Variants in PTPRD observed in about 807,000 individuals in gnomAD.
PTPRD encodes the protein protein tyrosine phosphatase receptor type D.
In PTPRD, 34 loss-of-function variants were observed where a neutral mutation model predicts 214.5. The observed-to-expected ratio is 0.16, with a 90% CI of 0.12 to 0.21. The LOEUF is 0.21. PTPRD is among the 10% of genes least tolerant of loss of function. PTPRD has a pLI of 1.00. For synonymous variants in PTPRD, 1,128 were observed against 845.7 expected (o/e 1.33, Z -5.79); for missense variants, 2,545 against 2,398.7 (o/e 1.06, Z -1.27).
intron 3 of PTPRD, among the ~76,000 whole-genome samples, chr9:10,302,869 A>T (rs2095909356): frequency 1.3e-5 from 2 of 152,194 alleles, no homozygotes; most frequent in Non-Finnish European, 2.9e-5. Context: ...GAAAATTAAC[A>T]AGGATATTCA....
intron 10 of PTPRD, among the ~76,000 whole-genome samples, chr9:9,157,790 C>G (rs753823717): frequency 6.6e-6 from 1 of 152,098 alleles, no homozygotes; most frequent in Non-Finnish European, 1.5e-5. Flanking sequence ...ACGTGTGCCA[C>G]GGTGGTTTAC....
chr9:8,954,948 T>C (rs2099123388), intron 11 of PTPRD, among the ~76,000 whole-genome samples: 1 of 151,944 alleles, frequency 6.6e-6, no homozygotes, highest in Non-Finnish European at 1.5e-5. Flanking sequence ...CCATGTTCTT[T>C]CTCAGATTCA....
intron 12 of PTPRD, among the ~76,000 whole-genome samples, chr9:8,676,672 C>G (rs533097136): frequency 6.6e-6 from 1 of 152,262 alleles, no homozygotes; most frequent in South Asian, 2.1e-4. Context: ...CTCCTGGGTT[C>G]AAGCAATTCT....
intron 11 of PTPRD, among the ~76,000 whole-genome samples, chr9:8,755,439 G>C (rs996060646): frequency 6.7e-6 from 1 of 148,946 alleles, no homozygotes; most frequent in African/African-American, 2.5e-5. Context: ...TGAGGCAGGA[G>C]AATCACTTGA....
At chr9:10,595,227 G>C (rs1366521762) in intron 2 of PTPRD, among the ~76,000 whole-genome samples, 1 of 151,796 alleles carries the variant, frequency 6.6e-6, no homozygotes, top group Non-Finnish European at 1.5e-5. Context: ...CTAGGCAGCT[G>C]ATGTAAAGAA....
At chr9:9,935,594 A>G (rs2088947166) in intron 5 of PTPRD, among the ~76,000 whole-genome samples, 1 of 151,638 alleles carries the variant, frequency 6.6e-6, no homozygotes, top group Non-Finnish European at 1.5e-5. Context: ...AACAAATGGA[A>G]GAACATTCCA....
intron 11 of PTPRD, among the ~76,000 whole-genome samples, chr9:8,858,502 C>G (rs998017001): frequency 6.6e-6 from 1 of 152,018 alleles, no homozygotes; most frequent in East Asian, 1.9e-4. Flanking sequence ...GAAAATTAAA[C>G]GAAAAAGCCC....
chr9:8,962,864 A>T (rs1025677234), intron 11 of PTPRD: 1 of 152,102 alleles, frequency 6.6e-6, no homozygotes, highest in Non-Finnish European at 1.5e-5. Flanking sequence ...AACAGTATGG[A>T]ATCATCTGAT....
chr9:9,412,594 C>A (rs1294692467), intron 8 of PTPRD, among the ~76,000 whole-genome samples: 3 of 152,078 alleles, frequency 2.0e-5, no homozygotes, highest in Non-Finnish European at 2.9e-5. Flanking sequence ...CCAGTCACTA[C>A]GCGAAGGGGT....
chr9:9,184,555 C>T (rs2099930213), intron 9 of PTPRD, among the ~76,000 whole-genome samples: 1 of 152,018 alleles, frequency 6.6e-6, no homozygotes, highest in South Asian at 2.1e-4. Flanking sequence ...CGTCACCTCA[C>T]CCTGACTAGG....
At chr9:9,724,884 C>T (rs867592994) in intron 7 of PTPRD, among the ~76,000 whole-genome samples, 1 of 152,036 alleles carries the variant, frequency 6.6e-6, no homozygotes, top group Non-Finnish European at 1.5e-5. Flanking sequence ...CCAAACTGTC[C>T]TCTGATTACT....
intron 7 of PTPRD, among the ~76,000 whole-genome samples, chr9:9,720,232 T>C (rs188711901): frequency 8.5e-5 from 13 of 152,270 alleles, no homozygotes; most frequent in African/African-American, 3.1e-4. Flanking sequence ...AAGTAGATCT[T>C]CATAATTGGA....
chr9:10,607,028 A>G (rs188550797), intron 2 of PTPRD, among the ~76,000 whole-genome samples: 55 of 152,036 alleles, frequency 3.6e-4, no homozygotes, highest in African/African-American at 1.1e-3. Flanking sequence ...TATATATGCA[A>G]TGATTCATAC....
Position 10,611,905 on chromosome 9 carries a change from GCC to G in PTPRD, c.-600+491_-600+492del, listed in dbSNP as rs71332762. On this transcript the variant is annotated intron_variant, in intron 2 of 45. Coordinates refer to ENST00000381196, the MANE Select transcript of PTPRD (RefSeq NM_002839.4). ...CATCCTTATTAACTTTCCCTTTTCC[GCC>G]CCCCCCCCCTTTTTTTTTCTAGAGC... is the stretch of plus-strand genomic sequence containing the variant. 1.2e-3 allele frequency among the ~76,000 whole-genome samples: 157 copies of G among 128,076 alleles called. 2 individuals are homozygous for G. Among genetic ancestry groups the G allele is most frequent in the South Asian group, 4.0e-3 (15 of 3,756 alleles). 84.0% of individuals were successfully genotyped at this position (128,076 alleles called of 152,430 possible).
At position 10,019,933 on chromosome 9, in the gene PTPRD, A is replaced by G. The variant is rs540468557; in HGVS notation, c.-472+13785T>C. ...CCCTAGAACTTAAAGTATAATAAAA[A>G]AAATTATAGTGCTTTCTTAGTGGCA... On this transcript the variant is annotated intron_variant, in intron 4 of 45. Coordinates refer to ENST00000381196, the MANE Select transcript of PTPRD (RefSeq NM_002839.4). Among the ~76,000 whole-genome samples the G allele has an allele frequency of 6.1e-3, 924 of 152,312 alleles. 6 individuals carry two copies. The highest frequency in any genetic ancestry group is 0.021 in the African/African-American group (860 of 41,568).
At chr9:10,125,251 G>A (rs987847768) in intron 3 of PTPRD, among the ~76,000 whole-genome samples, 1 of 151,682 alleles carries the variant, frequency 6.6e-6, no homozygotes, top group Non-Finnish European at 1.5e-5. Context: ...GTCCCTAGCT[G>A]TTTTCTCTAT....
At chr9:10,404,232 C>A (rs1337286910) in intron 2 of PTPRD, among the ~76,000 whole-genome samples, 1 of 151,546 alleles carries the variant, frequency 6.6e-6, no homozygotes, top group African/African-American at 2.4e-5. Context: ...GATTCTCAAC[C>A]AGGGGTGGTG....
intron 9 of PTPRD, among the ~76,000 whole-genome samples, chr9:9,273,298 C>T (rs1444651488): frequency 2.0e-5 from 3 of 151,180 alleles, no homozygotes; most frequent in African/African-American, 7.3e-5. Context: ...GTGAAACAAT[C>T]GCTGAGTCAC....
At chr9:8,989,739 C>T (rs1020000300) in intron 11 of PTPRD, among the ~76,000 whole-genome samples, 18 of 151,966 alleles carry the variant, frequency 1.2e-4, no homozygotes, top group Admixed American at 7.9e-4. Context: ...AAATTATAAG[C>T]GATTCTTACT....
Sources: allele counts gnomAD v4.1 joint callset (sites outside exome capture counted in the v4.1 genomes callset), GRCh38; gene constraint gnomAD v4.1.1; transcripts MANE v1.5; gene names NCBI Gene and HGNC (gene_info 2026-07-23, HGNC 2026-07-21).